The following AGAP1 variants were observed in gnomAD, a reference collection of about 807,000 sequenced individuals.
AGAP1 encodes the protein arf-GAP with GTPase, ANK repeat and PH domain-containing protein 1.
A neutral mutation model predicts 105.3 loss-of-function variants in AGAP1; 29 were observed. The ratio of observed to expected loss-of-function variants is 0.28; its 90% CI spans 0.21 to 0.38. The LOEUF is 0.38. Among genes scored for constraint, AGAP1 ranks in the 10% least tolerant of loss-of-function variants. The probability of loss-of-function intolerance (pLI) is 1.00; values close to 1 mark genes in which losing one functional copy is unlikely to be tolerated. For synonymous variants in AGAP1, 509 were observed against 485.9 expected, an observed-to-expected ratio of 1.05 and a Z score of -0.63; for missense variants, 998 against 1,165.1, an observed-to-expected ratio of 0.86 and a Z score of 2.09.
chr2:235,883,309 C>G lies in AGAP1; in HGVS notation c.1051-36C>G. On this transcript the variant is annotated intron_variant, in intron 9 of 17. Coordinates refer to ENST00000304032, the MANE Select transcript of AGAP1 (RefSeq NM_001037131.3). This position sits in a 1 kb window ranked among gnomAD's most constrained non-coding sequence, Gnocchi z 4.5. ...ACCTGCCTTTTCTTTTTTTTATTTACATTAGAATTTCTATTTGGCTCTTTT... is the reference window on the plus strand; with the variant it reads ...ACCTGCCTTTTCTTTTTTTTATTTAGATTAGAATTTCTATTTGGCTCTTTT... The G allele has an allele frequency of 6.3e-7, 1 of 1,581,758 alleles. No homozygotes were observed. Among genetic ancestry groups the G allele is most frequent in the Non-Finnish European group, 8.7e-7 (1 of 1,154,130 alleles).
At chr2:235,687,864 T>C (rs1265413134) in intron 1 of AGAP1, among the ~76,000 whole-genome samples, 2 of 151,260 alleles carry the variant, frequency 1.3e-5, no homozygotes, top group Admixed American at 6.6e-5. Context: ...TTTTCTTTTT[T>C]TTTTGGATTT....
At position 235,973,954 on chromosome 2, in the gene AGAP1, T is replaced by C. The variant is rs2054758078; in HGVS notation, c.1645+5331T>C. On this transcript the variant is annotated intron_variant, in intron 13 of 17. Transcript: ENST00000304032. This position sits in a 1 kb window ranked among gnomAD's most constrained non-coding sequence, Gnocchi z 4.7. Reference sequence around the variant, plus strand: ...TTAATGGCTTGTCAGCTCTTGGCATTGTCTTTGAATTACAGTACTTTCTGG... The same window carrying C: ...TTAATGGCTTGTCAGCTCTTGGCATCGTCTTTGAATTACAGTACTTTCTGG... Among the ~76,000 whole-genome samples, 1 of 152,154 alleles carries C rather than the reference T, an allele frequency of 6.6e-6. No homozygotes were observed. Among genetic ancestry groups the C allele is most frequent in the South Asian group, 2.1e-4 (1 of 4,820 alleles).
chr2:235,774,831 C>T (rs983323208), intron 6 of AGAP1, among the ~76,000 whole-genome samples: 1 of 152,120 alleles, frequency 6.6e-6, no homozygotes, highest in Non-Finnish European at 1.5e-5. Context: ...GAGATCTCTG[C>T]GGTGGGTTGA....
chr2:236,099,217 C>T (rs986190471), intron 16 of AGAP1, among the ~76,000 whole-genome samples: 2 of 151,974 alleles, frequency 1.3e-5, no homozygotes, highest in Non-Finnish European at 2.9e-5. Flanking sequence ...CTTTGGGAGG[C>T]CGAGGGAGGC....
Position 236,027,259 on chromosome 2 carries a change from G to T in AGAP1, c.1646-9302G>T, listed in dbSNP as rs569090940. On this transcript the variant is annotated intron_variant, in intron 13 of 17. Transcript: ENST00000304032. This position sits in a 1 kb window ranked among gnomAD's most constrained non-coding sequence, Gnocchi z 4.4. ...ATTACCCTCCCTCAAAATAAAAAATGAAGCCACCTAAAGACAGGATCCTGG... is the reference window on the plus strand; with the variant it reads ...ATTACCCTCCCTCAAAATAAAAAATTAAGCCACCTAAAGACAGGATCCTGG... 6.6e-6 allele frequency among the ~76,000 whole-genome samples: 1 copy of T among 152,234 alleles called. No homozygotes were observed. The highest frequency in any genetic ancestry group is 2.1e-4 in the South Asian group (1 of 4,812).
In AGAP1 at chr2:235,578,708, C is replaced by T. The variant is rs1312986063; in HGVS notation, c.163+83859C>T. ...GCTGAGGCAGGAGAATTGCTTGAAC[C>T]CAGGAGGCGGAGGTTGCAGTAAGCC... On this transcript the variant is annotated intron_variant, in intron 1 of 17. Transcript: ENST00000304032. This position sits in a 1 kb window ranked among gnomAD's most constrained non-coding sequence, Gnocchi z 4.9. Among the ~76,000 whole-genome samples the T allele has an allele frequency of 6.6e-6, 1 of 151,704 alleles. No homozygotes were observed. Among genetic ancestry groups the T allele is most frequent in the Non-Finnish European group, 1.5e-5 (1 of 67,966 alleles).
chr2:235,938,346 C>T (rs1267096691), intron 12 of AGAP1, among the ~76,000 whole-genome samples: 1 of 152,216 alleles, frequency 6.6e-6, no homozygotes, highest in Non-Finnish European at 1.5e-5. Flanking sequence ...ATAATTGTCA[C>T]TAAGCTGTTC....
At chr2:235,978,599 A>AGT in intron 13 of AGAP1, among the ~76,000 whole-genome samples, 1 of 152,216 alleles carries the variant, frequency 6.6e-6, no homozygotes, top group African/African-American at 2.4e-5. Flanking sequence ...CCAGTAGATG[A>AGT]GTGGCCTCTG....
In AGAP1 at chr2:235,751,440, G is replaced by A. The variant is rs892745254; in HGVS notation, c.673+952G>A. The stretch of plus-strand genomic sequence containing the variant: ...GGGGCAGAGCAGGGCAGCCACACTC[G>A]GGCTCTCCAGAGAGTGCTGGAGCCG... On this transcript the variant is annotated intron_variant, in intron 6 of 17. Transcript: ENST00000304032. This position sits in a 1 kb window ranked among gnomAD's most constrained non-coding sequence, Gnocchi z 5.3. 1.3e-5 allele frequency among the ~76,000 whole-genome samples: 2 copies of A among 152,118 alleles called. No individual in the cohort carries two copies. Among genetic ancestry groups the A allele is most frequent in the Non-Finnish European group, 2.9e-5 (2 of 68,016 alleles).
At chr2:235,938,321 C>G (rs2053088598) in intron 12 of AGAP1, among the ~76,000 whole-genome samples, 1 of 152,148 alleles carries the variant, frequency 6.6e-6, no homozygotes, top group Non-Finnish European at 1.5e-5. Flanking sequence ...AGGCTAGATT[C>G]AAACAGCCTG....
At position 236,119,095 on chromosome 2, in the gene AGAP1, C is replaced by T. The variant is rs934962394; in HGVS notation, c.2115-1097C>T. ...AGGGTCCCCATCCTCTGTAGACCCC[C>T]CAGGAGGAGACCATGTATTACACTG... On this transcript the variant is annotated intron_variant, in intron 16 of 17. Coordinates refer to ENST00000304032, the MANE Select transcript of AGAP1 (RefSeq NM_001037131.3). The surrounding 1 kb of genome is among the most constrained non-coding windows in gnomAD (Gnocchi z 6.6). Among the ~76,000 whole-genome samples the T allele has an allele frequency of 6.6e-6, 1 of 152,158 alleles. No individual in the cohort carries two copies.
chr2:235,800,316 G>A (rs1957436703), intron 8 of AGAP1, among the ~76,000 whole-genome samples: 3 of 151,058 alleles, frequency 2.0e-5, no homozygotes, highest in South Asian at 4.2e-4. Flanking sequence ...GCCTAGGGTG[G>A]TCTTGAACTC....
chr2:235,872,025 G>A lies in AGAP1; in HGVS notation c.1051-11320G>A, dbSNP rs1372501523. 6.6e-6 allele frequency among the ~76,000 whole-genome samples: 1 copy of A among 152,210 alleles called. No individual in the cohort carries two copies. Among genetic ancestry groups the A allele is most frequent in the Non-Finnish European group, 1.5e-5 (1 of 68,038 alleles). On this transcript the variant is annotated intron_variant, in intron 9 of 17. Transcript: ENST00000304032. The surrounding 1 kb of genome is among the most constrained non-coding windows in gnomAD (Gnocchi z 4.5). ...TTCAGTGTCCTTATCCATGAAATGA[G>A]AATCGTCGTGGATATCAGTTGTGAT... is the stretch of plus-strand genomic sequence containing the variant.
At chr2:236,112,952 CTG>C (rs895466361) in intron 16 of AGAP1, among the ~76,000 whole-genome samples, 2 of 152,234 alleles carry the variant, frequency 1.3e-5, no homozygotes, top group African/African-American at 4.8e-5. Context: ...TTCCTTCTTG[CTG>C]TGTTTCAAAG....
rs113873324 is a variant in AGAP1 at position 235,579,246 on chromosome 2, C to T, written c.163+84397C>T. Among the ~76,000 whole-genome samples the T allele has an allele frequency of 2.2e-4, 33 of 152,266 alleles. 1 individual carries two copies. The South Asian group carries it at 3.5e-3, about 16-fold the overall frequency. On this transcript the variant is annotated intron_variant, in intron 1 of 17. Transcript: ENST00000304032. Reference sequence around the variant, plus strand: ...TATGCCCAGCTGGCTTCTGCAGAGCCGGGCTCAGTTTACCAGGCGACACTT... The same window carrying T: ...TATGCCCAGCTGGCTTCTGCAGAGCTGGGCTCAGTTTACCAGGCGACACTT...
In AGAP1 at chr2:235,882,471, C is replaced by T. The variant is rs2050076531; in HGVS notation, c.1051-874C>T. On this transcript the variant is annotated intron_variant, in intron 9 of 17. Coordinates refer to ENST00000304032, the MANE Select transcript of AGAP1 (RefSeq NM_001037131.3). This position sits in a 1 kb window ranked among gnomAD's most constrained non-coding sequence, Gnocchi z 4.6. Reference sequence around the variant, plus strand: ...GGCCCTATTGAAGCTGGCGATTCCCCCCACGTCTGGTTTGTCTGCCATTTT... The same window carrying T: ...GGCCCTATTGAAGCTGGCGATTCCCTCCACGTCTGGTTTGTCTGCCATTTT... 2 of 1,571,236 alleles carry T rather than the reference C, an allele frequency of 1.3e-6. No individual in the cohort carries two copies. The highest frequency in any genetic ancestry group is 1.7e-5 in the Admixed American group (1 of 59,236).
At chr2:235,646,005 A>T (rs960076890) in intron 1 of AGAP1, among the ~76,000 whole-genome samples, 3 of 152,144 alleles carry the variant, frequency 2.0e-5, no homozygotes, top group African/African-American at 7.2e-5. Flanking sequence ...GGGCGGGCGC[A>T]GTGGTTCACA....
At chr2:235,593,747 T>C (rs1945426306) in intron 1 of AGAP1, among the ~76,000 whole-genome samples, 2 of 152,152 alleles carry the variant, frequency 1.3e-5, no homozygotes, top group African/African-American at 4.8e-5. Flanking sequence ...GAGGACTGTA[T>C]GAGGCCAGGA....
intron 1 of AGAP1, among the ~76,000 whole-genome samples, chr2:235,522,337 ACCT>A (rs1942654204): frequency 1.3e-5 from 2 of 151,866 alleles, no homozygotes; most frequent in African/African-American, 4.8e-5. Flanking sequence ...TTGGACTTAG[ACCT>A]CCTGGGCTTC....
Sources: allele counts gnomAD v4.1 joint callset (sites outside exome capture counted in the v4.1 genomes callset), GRCh38; gene constraint gnomAD v4.1.1; non-coding constraint Gnocchi (gnomAD v3.1); transcripts MANE v1.5; gene names NCBI Gene and HGNC (gene_info 2026-07-23, HGNC 2026-07-21).